Variants in CCSER1 observed in about 807,000 individuals in gnomAD.
CCSER1 encodes the protein serine-rich coiled-coil domain-containing protein 1.
Under a neutral mutation model 82.0 loss-of-function variants are expected in CCSER1, and 41 were observed. That is an observed-to-expected ratio of 0.50 (90% CI 0.39 to 0.65). CCSER1 has a LOEUF of 0.65. Among genes scored for constraint, CCSER1 ranks in the 30% least tolerant of loss-of-function variants. The pLI, the probability that CCSER1 is intolerant of heterozygous loss-of-function variation, is 0.00. For missense variants in CCSER1, 1,119 were observed against 1,064.2 expected (o/e 1.05, Z -0.72); for synonymous variants, 414 against 383.9 (o/e 1.08, Z -0.92).
chr4:90,967,732 T>G (rs4586897), intron 9 of CCSER1, among the ~76,000 whole-genome samples: 75,240 of 151,778 alleles, frequency 0.5, 19,211 homozygotes, highest in East Asian at 0.72. Flanking sequence ...GTTCTTCGAG[T>G]TGATGCCAGC....
intron 3 of CCSER1, among the ~76,000 whole-genome samples, chr4:90,362,288 A>G (rs1157484121): frequency 1.3e-5 from 2 of 152,140 alleles, no homozygotes; most frequent in Non-Finnish European, 2.9e-5. Flanking sequence ...GTGTAGGGCA[A>G]TAGAGAAAGT....
intron 5 of CCSER1, among the ~76,000 whole-genome samples, chr4:90,620,999 A>C (rs537149456): frequency 1.3e-5 from 2 of 152,046 alleles, no homozygotes; most frequent in Non-Finnish European, 2.9e-5. Context: ...TTTTATTTTT[A>C]GTAGGGAGGG....
intron 5 of CCSER1, among the ~76,000 whole-genome samples, chr4:90,501,496 G>A (rs186553794): frequency 4.1e-4 from 62 of 152,114 alleles, no homozygotes; most frequent in African/African-American, 1.3e-3. Flanking sequence ...GTTTTGCTTC[G>A]ACTGTCCACA....
At chr4:91,164,862 C>T (rs1731858748) in intron 10 of CCSER1, among the ~76,000 whole-genome samples, 1 of 152,190 alleles carries the variant, frequency 6.6e-6, no homozygotes, top group Admixed American at 6.5e-5. Flanking sequence ...AGCTTCTTTG[C>T]AATGGGTTCA....
chr4:91,344,676 A>G (rs1007754602), intron 10 of CCSER1, among the ~76,000 whole-genome samples: 1 of 151,984 alleles, frequency 6.6e-6, no homozygotes, highest in Non-Finnish European at 1.5e-5. Flanking sequence ...AAGAGATTCT[A>G]TTTGAAGAAA....
chr4:91,093,253 G>A (rs991950788), intron 10 of CCSER1, among the ~76,000 whole-genome samples: 9 of 152,126 alleles, frequency 5.9e-5, no homozygotes, highest in Non-Finnish European at 8.8e-5. Flanking sequence ...TCCCATCCAC[G>A]TATAACTCCC....
intron 5 of CCSER1, among the ~76,000 whole-genome samples, chr4:90,593,384 G>T (rs994880064): frequency 6.6e-6 from 1 of 152,112 alleles, no homozygotes; most frequent in Non-Finnish European, 1.5e-5. Flanking sequence ...AACAAAAGCA[G>T]AGACTAATTG....
chr4:90,960,268 T>G (rs1307608390), intron 9 of CCSER1, among the ~76,000 whole-genome samples: 1 of 152,182 alleles, frequency 6.6e-6, no homozygotes, highest in Non-Finnish European at 1.5e-5. Context: ...AATTAGACAT[T>G]ATTCTGAAAT....
intron 3 of CCSER1, among the ~76,000 whole-genome samples, chr4:90,349,618 C>T (rs1388233884): frequency 6.6e-6 from 1 of 151,922 alleles, no homozygotes; most frequent in Non-Finnish European, 1.5e-5. Flanking sequence ...CCTTGTTTGT[C>T]ACGTATTTCA....
intron 10 of CCSER1, among the ~76,000 whole-genome samples, chr4:91,358,956 T>C (rs1160857388): frequency 1.3e-5 from 2 of 152,008 alleles, no homozygotes; most frequent in Non-Finnish European, 2.9e-5. Context: ...AACCAAGAAA[T>C]GTAGCAGGAC....
At chr4:90,412,580 A>T (rs1185972915) in intron 4 of CCSER1, among the ~76,000 whole-genome samples, 1 of 151,960 alleles carries the variant, frequency 6.6e-6, no homozygotes, top group Admixed American at 6.6e-5. Context: ...TTTTCATACG[A>T]GGGATGCAGG....
At chr4:91,463,731 A>G (rs1756665782) in intron 10 of CCSER1, among the ~76,000 whole-genome samples, 1 of 152,236 alleles carries the variant, frequency 6.6e-6, no homozygotes, top group Non-Finnish European at 1.5e-5. Flanking sequence ...AGCTGATTCG[A>G]TCAATGGGAA....
chr4:90,282,551 G>T (rs1258527699), intron 1 of CCSER1, among the ~76,000 whole-genome samples: 1 of 151,700 alleles, frequency 6.6e-6, no homozygotes, highest in African/African-American at 2.4e-5. Flanking sequence ...AGCATTTTGA[G>T]TGGTTAAATA....
At chr4:90,971,257 G>A (rs1190763282) in intron 9 of CCSER1, among the ~76,000 whole-genome samples, 1 of 151,902 alleles carries the variant, frequency 6.6e-6, no homozygotes, top group African/African-American at 2.4e-5. Flanking sequence ...TAGAATCATG[G>A]TGGAAGGTGA....
chr4:90,767,125 G>A (rs181525726), intron 7 of CCSER1, among the ~76,000 whole-genome samples: 6 of 152,260 alleles, frequency 3.9e-5, no homozygotes, highest in Admixed American at 2.6e-4. Flanking sequence ...CACAGTGTTT[G>A]CCAACAAAGC....
intron 10 of CCSER1, among the ~76,000 whole-genome samples, chr4:91,168,651 A>G (rs959625365): frequency 6.6e-6 from 1 of 152,100 alleles, no homozygotes; most frequent in Non-Finnish European, 1.5e-5. Flanking sequence ...GGAAGTGAGG[A>G]GTGCCTCTGC....
intron 10 of CCSER1, among the ~76,000 whole-genome samples, chr4:91,508,558 GTT>G (rs201824630): frequency 0.072 from 9,560 of 133,326 alleles, 437 homozygotes; most frequent in South Asian, 0.19. Context: ...CTGGTCTGTA[GTT>G]TTTTTTTTTT....
chr4:91,164,037 C>A (rs1430987284), intron 10 of CCSER1, among the ~76,000 whole-genome samples: 1 of 152,140 alleles, frequency 6.6e-6, no homozygotes. Context: ...ATGGCCTTTA[C>A]CTTTTGGCAT....
intron 10 of CCSER1, among the ~76,000 whole-genome samples, chr4:91,378,113 C>G (rs1378430414): frequency 6.6e-6 from 1 of 152,156 alleles, no homozygotes; most frequent in African/African-American, 2.4e-5. Context: ...GTCTATATCT[C>G]TGTTGTGGTA....
Sources: gnomAD v4.1 joint callset for allele counts (sites outside exome capture counted in the v4.1 genomes callset) on GRCh38, gnomAD v4.1.1 for gene constraint, MANE v1.5 for transcripts, NCBI Gene and HGNC (gene_info 2026-07-23, HGNC 2026-07-21) for gene names.